SMYD4: variants seen among roughly 807,000 people sequenced by gnomAD.
The protein encoded by SMYD4 is protein-lysine N-methyltransferase SMYD4.
SMYD4 carries 68 observed loss-of-function variants against 72.8 expected under a neutral mutation model. The ratio of observed to expected loss-of-function variants is 0.93; its 90% CI spans 0.77 to 1.14. The LOEUF (loss-of-function observed/expected upper bound fraction) is 1.14, where lower values mean the gene tolerates loss of function less well. SMYD4 is among the 50% of genes most tolerant of loss of function. The pLI, the probability that SMYD4 is intolerant of heterozygous loss-of-function variation, is 0.00. For missense variants in SMYD4, 984 were observed against 1,003.7 expected (o/e 0.98, Z 0.27); for synonymous variants, 407 against 388.6 (o/e 1.05, Z -0.56).
At chr17:1,799,678 CAAATAATTTAAGG>C (rs1473186362) in intron 5 of SMYD4, among the ~76,000 whole-genome samples, 166 bp downstream of exon 5, 1 of 151,998 alleles carries the variant, frequency 6.6e-6, no homozygotes, top group African/African-American at 2.4e-5. Flanking sequence ...CTGGCAGGAT[CAAATAATTTAAGG>C]TCATATAGCT....
In SMYD4 at chr17:1,787,401, C is replaced by T. The variant is rs112096813; in HGVS notation, c.1720+21G>A. 9.6e-5 allele frequency: 149 copies of T among 1,551,290 alleles called. 2 individuals are homozygous for T. In the African/African-American group the frequency reaches 1.5e-3, roughly 15 times the overall value. On this transcript the variant is annotated intron_variant, in intron 6 of 10. Coordinates refer to ENST00000305513, the MANE Select transcript of SMYD4 (RefSeq NM_052928.3). ...TTTCTGTTGGAGAAGGGCAGGATGG[C>T]AGTGCGGAGGGATGGCTCACCATAG...
At position 1,796,235 on chromosome 17, in the gene SMYD4, G is replaced by A. The variant is rs1909398626; in HGVS notation, c.1537+3622C>T. ...TGAAGCCTCGAACTCTTCGGCTCAA[G>A]CAATCCTCCTGCCTCAGCTTCCCAA... On this transcript the variant is annotated intron_variant, in intron 5 of 10. Coordinates refer to ENST00000305513, the MANE Select transcript of SMYD4 (RefSeq NM_052928.3). Among the ~76,000 whole-genome samples the A allele has an allele frequency of 2.0e-5, 3 of 150,434 alleles. No individual in the cohort carries two copies. The South Asian group carries it at 6.3e-4, about 31-fold the overall frequency.
intron 2 of SMYD4, among the ~76,000 whole-genome samples, chr17:1,827,234 C>A (rs780174480): frequency 6.6e-6 from 1 of 150,722 alleles, no homozygotes; most frequent in African/African-American, 2.4e-5. Flanking sequence ...CCCAAATACT[C>A]GGGAAGCTGA....
intron 2 of SMYD4, among the ~76,000 whole-genome samples, chr17:1,825,492 C>A (rs1326909989): frequency 6.7e-6 from 1 of 148,912 alleles, no homozygotes; most frequent in African/African-American, 2.5e-5. Context: ...TTTATACAGC[C>A]ATATCTGTCA....
intron 5 of SMYD4, among the ~76,000 whole-genome samples, chr17:1,795,197 G>A (rs1790362471): frequency 6.6e-6 from 1 of 152,082 alleles, no homozygotes; most frequent in Admixed American, 6.6e-5. Flanking sequence ...CCAGTGGGTG[G>A]GGTCTTGCTA....
At chr17:1,784,049 G>A (rs1196745268) in intron 8 of SMYD4, among the ~76,000 whole-genome samples, 2 of 152,236 alleles carry the variant, frequency 1.3e-5, no homozygotes, top group African/African-American at 4.8e-5. Flanking sequence ...GCTCACGGAT[G>A]TCAGCGATGA....
At chr17:1,784,251 T>A in intron 8 of SMYD4, 75 bp downstream of exon 8, 1 of 1,597,304 alleles carries the variant, frequency 6.3e-7, no homozygotes, top group Non-Finnish European at 8.6e-7. Context: ...GTACTGAGTA[T>A]CCCTGAGTCC....
At chr17:1,827,696 G>A (rs1911264069) in intron 2 of SMYD4, among the ~76,000 whole-genome samples, 165 bp downstream of exon 2, 1 of 152,198 alleles carries the variant, frequency 6.6e-6, no homozygotes, top group Admixed American at 6.6e-5. Context: ...AGCACCTTGG[G>A]AGGCCAAGGT....
Position 1,794,044 on chromosome 17 carries a change from T to A in SMYD4, c.1537+5813A>T, listed in dbSNP as rs1164396264. Among the ~76,000 whole-genome samples, 247 of 82,210 alleles carry A rather than the reference T, an allele frequency of 3.0e-3. 4 individuals are homozygous for A. Among genetic ancestry groups the A allele is most frequent in the African/African-American group, 0.014 (238 of 16,594 alleles). The allele number at this position is 82,210 out of a possible 152,430, so 53.9% of individuals were successfully genotyped here. A position where few individuals can be genotyped will look rare whatever the true frequency, so the allele number is the denominator to read the frequency against. On this transcript the variant is annotated intron_variant, in intron 5 of 10. Transcript: ENST00000305513. ...ATGTGTGTATATATATATGTATGTA[T>A]ATATATATGTGTGTATATATATGTG...
At chr17:1,809,657 G>C (rs1597388393) in intron 3 of SMYD4, among the ~76,000 whole-genome samples, 1 of 149,444 alleles carries the variant, frequency 6.7e-6, no homozygotes, top group African/African-American at 2.5e-5. Context: ...TTATAGGCGT[G>C]AGCCACCGCG....
At chr17:1,793,468 C>T (rs1909170234) in intron 5 of SMYD4, among the ~76,000 whole-genome samples, 1 of 151,536 alleles carries the variant, frequency 6.6e-6, no homozygotes, top group Admixed American at 6.6e-5. Flanking sequence ...GGTCTTTTAT[C>T]CTCAAGGAAG....
At chr17:1,783,183 C>T (rs935568012) in intron 9 of SMYD4, 25 bp from the exon 10 acceptor site, 4 of 1,613,858 alleles carry the variant, frequency 2.5e-6, no homozygotes, top group Non-Finnish European at 3.4e-6. Context: ...AAATCTTGTT[C>T]CAGAAAAGAA....
In SMYD4 at chr17:1,800,702, G is replaced by C; in HGVS notation, c.692C>G (p.Ala231Gly). The change falls in exon 5 of 11, where the codon GCC becomes GGC. Residue 231 changes from alanine to glycine, a missense_variant. Ala to Gly is a moderately conservative substitution (Grantham distance 60). Transcript: ENST00000305513. Reference protein sequence around the residue: ...LREENEQLSNASSSIGLCVDP... With the variant: ...LREENEQLSNGSSSIGLCVDP... ...TACGCATAAGCCGATGGATGATGAG[G>C]CATTGGAAAGTTGTTCATTCTCCTC... The C allele has an allele frequency of 6.2e-7, 1 of 1,614,202 alleles. No homozygotes were observed.
intron 2 of SMYD4, 110 bp from the exon 3 acceptor site, chr17:1,812,225 C>A: frequency 8.3e-7 from 1 of 1,198,962 alleles, no homozygotes; most frequent in East Asian, 2.3e-5. Flanking sequence ...ATTTCACACA[C>A]ATGAGGATAT....
Position 1,787,526 on chromosome 17 carries a change from T to C in SMYD4, c.1616A>G (p.Asn539Ser). 2 of 1,592,150 alleles carry C rather than the reference T, an allele frequency of 1.3e-6. No homozygotes were observed. The highest frequency in any genetic ancestry group is 1.7e-6 in the Non-Finnish European group (2 of 1,169,538). Residue 539 changes from asparagine (N) to serine (S), a missense_variant, in exon 6 of 11, where the codon AAC becomes AGC. By Grantham distance (46) the Asn-to-Ser change is conservative. Coordinates refer to ENST00000305513, the MANE Select transcript of SMYD4 (RefSeq NM_052928.3). ...TGIFPVISLL[N>S]HSCSPNTSVS... ...GCTGGTGTTGGGGCTACAGGAGTGG[T>C]TCAGGAGGCTGATAACAGGGAAGAT... is the stretch of plus-strand genomic sequence containing the variant.
chr17:1,810,440 G>A (rs1382326414), intron 3 of SMYD4, among the ~76,000 whole-genome samples: 1 of 152,130 alleles, frequency 6.6e-6, no homozygotes, highest in East Asian at 1.9e-4. Flanking sequence ...AGGAGACTAA[G>A]GTGGGAGGAT....
Position 1,799,926 on chromosome 17 carries a change from C to A in SMYD4, c.1468G>T (p.Val490Leu). 4 of 1,613,966 alleles carry A rather than the reference C, an allele frequency of 2.5e-6. No individual in the cohort carries two copies. Among genetic ancestry groups the A allele is most frequent in the Non-Finnish European group, 2.5e-6 (3 of 1,179,908 alleles). Residue 490 changes from valine (V) to leucine (L), a missense_variant, in exon 5 of 11, where the codon GTG (valine) becomes TTG (leucine). Coordinates refer to ENST00000305513, the MANE Select transcript of SMYD4 (RefSeq NM_052928.3). ...TGTAACATGTGTCTCAGCATCGCCACTCCCCAAATAGTCACGTCAGGACAC... is the reference window on the plus strand; with the variant it reads ...TGTAACATGTGTCTCAGCATCGCCAATCCCCAAATAGTCACGTCAGGACAC... The part of the protein sequence containing the change: ...ELCPDVTIWG[V>L]AMLRHMLQLQ...
chr17:1,781,567 G>A (rs923199292), intron 10 of SMYD4, 128 bp from the exon 11 acceptor site: 2 of 1,094,988 alleles, frequency 1.8e-6, no homozygotes, highest in African/African-American at 1.6e-5. Context: ...ATCTAGAACA[G>A]TAAGTAAGAC....
Position 1,784,389 on chromosome 17 carries a change from G to T in SMYD4, c.1957C>A (p.Arg653=). ...SAVSRDHLVS[R]LQDLQQQVRV... is the part of the protein sequence containing the mutation. Reference sequence around the variant, plus strand: ...ACCTGCTGCTGTAGGTCCTGTAACCGAGAGACCAGGTGGTCCCTGCTGACG... The same window carrying T: ...ACCTGCTGCTGTAGGTCCTGTAACCTAGAGACCAGGTGGTCCCTGCTGACG... The change falls in exon 8 of 11, where the codon CGG becomes AGG. Residue 653 remains arginine (R), a synonymous_variant. Transcript: ENST00000305513. The T allele has an allele frequency of 6.2e-7, 1 of 1,614,172 alleles. No homozygotes were observed. Among genetic ancestry groups the T allele is most frequent in the African/African-American group, 1.3e-5 (1 of 75,058 alleles).
Sources: allele counts gnomAD v4.1 joint callset (sites outside exome capture counted in the v4.1 genomes callset), GRCh38; gene constraint gnomAD v4.1.1; transcripts MANE v1.5; gene names NCBI Gene and HGNC (gene_info 2026-07-23, HGNC 2026-07-21).